The following COL4A6 variants were observed in gnomAD, a reference collection of about 807,000 sequenced individuals.
COL4A6 encodes the protein collagen alpha-6(IV) chain.
In COL4A6, 59 loss-of-function variants were observed where a neutral mutation model predicts 126.7. That is an observed-to-expected ratio of 0.47 (90% CI 0.38 to 0.58). The LOEUF (loss-of-function observed/expected upper bound fraction) is 0.58, where lower values mean the gene tolerates loss of function less well. Among genes scored for constraint, COL4A6 ranks in the 20% least tolerant of loss-of-function variants. The pLI, the probability that COL4A6 is intolerant of heterozygous loss-of-function variation, is 0.00. For missense variants in COL4A6, 1,285 were observed against 1,337.3 expected (o/e 0.96, Z 0.61); for synonymous variants, 547 against 496.6 (o/e 1.10, Z -1.35).
chrX:108,380,318 AT>A (rs747977525), intron 2 of COL4A6, among the ~76,000 whole-genome samples: 1 of 112,548 alleles, frequency 8.9e-6, no homozygotes, highest in Admixed American at 9.4e-5. Context: ...CTGAATTGCC[AT>A]TTAAGAAAAA....
intron 3 of COL4A6, among the ~76,000 whole-genome samples, chrX:108,303,699 GA>G (rs989852773): frequency 9.0e-6 from 1 of 111,643 alleles, no homozygotes; most frequent in Non-Finnish European, 1.9e-5. Flanking sequence ...TTTTGGTGAA[GA>G]GAAATTCCTG....
At chrX:108,426,463 A>G (rs374308073) in intron 2 of COL4A6, among the ~76,000 whole-genome samples, 4 of 111,922 alleles carry the variant, frequency 3.6e-5, no homozygotes, top group African/African-American at 1.3e-4. Flanking sequence ...TGTTAGACAA[A>G]GGGGAACTGG....
chrX:108,238,913 T>C (rs1298814922), intron 3 of COL4A6, among the ~76,000 whole-genome samples: 1 of 112,283 alleles, frequency 8.9e-6, no homozygotes, highest in Non-Finnish European at 1.9e-5. Flanking sequence ...TATCTCACTG[T>C]TATTTTAATT....
intron 2 of COL4A6, among the ~76,000 whole-genome samples, chrX:108,371,594 A>C (rs2040328105): frequency 1.9e-5 from 2 of 107,257 alleles, no homozygotes; most frequent in African/African-American, 3.4e-5. Flanking sequence ...AAAAAAAAAA[A>C]AACTCTTTTA....
intron 3 of COL4A6, among the ~76,000 whole-genome samples, chrX:108,229,430 T>C (rs1029140193): frequency 8.9e-5 from 10 of 112,079 alleles, no homozygotes; most frequent in Non-Finnish European, 1.9e-5. Context: ...CTCCTTAGCA[T>C]GCATCAGACT....
At chrX:108,325,945 G>C (rs933390625) in intron 2 of COL4A6, among the ~76,000 whole-genome samples, 12 of 112,026 alleles carry the variant, frequency 1.1e-4, no homozygotes, top group Non-Finnish European at 1.9e-5. Context: ...GGCATCTATG[G>C]AAAATACTAC....
intron 3 of COL4A6, among the ~76,000 whole-genome samples, chrX:108,297,300 A>T: frequency 8.9e-6 from 1 of 111,981 alleles, no homozygotes; most frequent in Non-Finnish European, 1.9e-5. Context: ...AAAGATAGGT[A>T]ATATTATTCT....
chrX:108,282,562 G>T (rs1313725845), intron 3 of COL4A6, among the ~76,000 whole-genome samples: 1 of 111,040 alleles, frequency 9.0e-6, no homozygotes, highest in Non-Finnish European at 1.9e-5. Flanking sequence ...CTGTAAACTA[G>T]TTCAACCATT....
chrX:108,217,943 G>A, intron 5 of COL4A6, among the ~76,000 whole-genome samples: 1 of 111,893 alleles, frequency 8.9e-6, no homozygotes, highest in Non-Finnish European at 1.9e-5. Flanking sequence ...TCTACTGGGA[G>A]CAGTAAGCTC....
chrX:108,431,836 C>A (rs1359361675), intron 2 of COL4A6, among the ~76,000 whole-genome samples: 1 of 111,762 alleles, frequency 8.9e-6, no homozygotes, highest in Non-Finnish European at 1.9e-5. Flanking sequence ...ATTGGTCTCT[C>A]TCTGAGAGCT....
intron 2 of COL4A6, among the ~76,000 whole-genome samples, chrX:108,428,743 G>T (rs1049032059): frequency 2.7e-5 from 3 of 110,975 alleles, no homozygotes; most frequent in African/African-American, 9.8e-5. Flanking sequence ...AGGATGAGGA[G>T]AAGAATGGAA....
chrX:108,280,270 G>A (rs1311118863), intron 3 of COL4A6, among the ~76,000 whole-genome samples: 1 of 111,158 alleles, frequency 9.0e-6, no homozygotes, highest in Non-Finnish European at 1.9e-5. Flanking sequence ...GAAGAAAAGA[G>A]AGAAGAATCA....
chrX:108,439,049 CTG>C (rs1312501558), upstream of COL4A6, among the ~76,000 whole-genome samples: 1 of 112,256 alleles, frequency 8.9e-6, no homozygotes, highest in African/African-American at 3.2e-5. Flanking sequence ...ATCGATTCAG[CTG>C]CCATCAACTC....
intron 2 of COL4A6, among the ~76,000 whole-genome samples, chrX:108,353,059 G>A (rs1483707868): frequency 8.9e-6 from 1 of 112,235 alleles, no homozygotes; most frequent in East Asian, 2.8e-4. Context: ...CAACGCCAGC[G>A]TGGCTGAGCT....
At chrX:108,284,655 C>T (rs1486706204) in intron 3 of COL4A6, among the ~76,000 whole-genome samples, 2 of 111,944 alleles carry the variant, frequency 1.8e-5, no homozygotes, top group Non-Finnish European at 3.8e-5. Flanking sequence ...GTTATGCTTT[C>T]CCAATCAATA....
chrX:108,303,465 A>G (rs868704156), intron 3 of COL4A6, among the ~76,000 whole-genome samples: 32 of 111,886 alleles, frequency 2.9e-4, no homozygotes, highest in African/African-American at 1.0e-3. Context: ...TCTCTGTCAT[A>G]TGACTTAGCA....
rs185142880 is a variant in COL4A6 at position 108,307,065 on chromosome X, T to C, written c.144+3683A>G. ...TCTAGTAGGGAAAAAAAGAGAAGTGTTGGAAATGTCAACCTAAAATGTTTT... is the reference window on the plus strand; with the variant it reads ...TCTAGTAGGGAAAAAAAGAGAAGTGCTGGAAATGTCAACCTAAAATGTTTT... On this transcript the variant is annotated intron_variant, in intron 3 of 44. Transcript: ENST00000334504. Among the ~76,000 whole-genome samples, 6 of 107,537 alleles carry C rather than the reference T, an allele frequency of 5.6e-5. No individual in the cohort carries two copies. The East Asian group carries it at 1.8e-3, about 32-fold the overall frequency. 93.4% of individuals were successfully genotyped at this position (107,537 alleles called of 115,157 possible).
At chrX:108,235,573 T>C (rs1191163748) in intron 3 of COL4A6, among the ~76,000 whole-genome samples, 1 of 111,054 alleles carries the variant, frequency 9.0e-6, no homozygotes, top group East Asian at 2.9e-4. Context: ...CCAGAGTCTA[T>C]GGCCTGTATA....
At position 108,311,436 on chromosome X, in the gene COL4A6, A is replaced by G. The variant is rs370153434; in HGVS notation, c.64-608T>C. On this transcript the variant is annotated intron_variant, in intron 2 of 44. Coordinates refer to ENST00000334504, the MANE Select transcript of COL4A6 (RefSeq NM_033641.4). ...GCCTCTCCTCTGATTGATCGTGATG[A>G]TTGCTAGCTGAATTTCTGCAAGGCC... Among the ~76,000 whole-genome samples, 12 of 109,664 alleles carry G rather than the reference A, an allele frequency of 1.1e-4. No individual in the cohort carries two copies. In the East Asian group the frequency reaches 2.9e-3, roughly 26 times the overall value.
Sources: gnomAD v4.1 joint callset for allele counts (sites outside exome capture counted in the v4.1 genomes callset) on GRCh38, gnomAD v4.1.1 for gene constraint, MANE v1.5 for transcripts, NCBI Gene and HGNC (gene_info 2026-07-23, HGNC 2026-07-21) for gene names.